Variants in RAI14 observed in about 807,000 individuals in gnomAD.
RAI14 encodes ankycorbin.
RAI14 carries 45 observed loss-of-function variants against 115.4 expected under a neutral mutation model. The ratio of observed to expected loss-of-function variants is 0.39; its 90% confidence interval spans 0.31 to 0.50. The LOEUF is 0.50. Ranked by LOEUF, RAI14 falls within the 20% of genes least tolerant of loss-of-function variation. The pLI is 0.85. For missense variants in RAI14, 939 were observed against 1,131.2 expected (o/e 0.83, Z 2.44); for synonymous variants, 371 against 415.4 (o/e 0.89, Z 1.30).
At chr5:34,792,264 C>G (rs1361502906) in intron 3 of RAI14, among the ~76,000 whole-genome samples, 3 of 128,088 alleles carry the variant, frequency 2.3e-5, no homozygotes, top group Non-Finnish European at 3.1e-5. Flanking sequence ...GACGGAGTCT[C>G]TCTCTGTCGC....
intron 2 of RAI14, among the ~76,000 whole-genome samples, chr5:34,747,173 T>C (rs1331434682): frequency 6.6e-6 from 1 of 152,256 alleles, no homozygotes; most frequent in Non-Finnish European, 1.5e-5. Context: ...CTTTCTCCTC[T>C]GGAGAGAACC....
intron 2 of RAI14, among the ~76,000 whole-genome samples, chr5:34,752,699 A>G (rs1335614301): frequency 1.9e-5 from 1 of 51,386 alleles, no homozygotes; most frequent in Non-Finnish European, 3.6e-5. Flanking sequence ...TATTTCTTAC[A>G]TATATGTGTG....
At chr5:34,695,821 T>TC (rs1739157833) in intron 2 of RAI14, among the ~76,000 whole-genome samples, 1 of 149,126 alleles carries the variant, frequency 6.7e-6, no homozygotes, top group Non-Finnish European at 1.5e-5. Context: ...TTTTTTTTTT[T>TC]CTGTGACAGT....
intron 4 of RAI14, among the ~76,000 whole-genome samples, 184 bp downstream of exon 4, chr5:34,796,211 A>G (rs1312771873): frequency 6.6e-6 from 1 of 152,178 alleles, no homozygotes; most frequent in East Asian, 1.9e-4. Context: ...ACTGGCCAAT[A>G]TGGTTAAAAC....
chr5:34,695,287 A>G (rs1416936898), intron 2 of RAI14, among the ~76,000 whole-genome samples: 2 of 152,342 alleles, frequency 1.3e-5, no homozygotes, highest in African/African-American at 4.8e-5. Context: ...TAGGTATATG[A>G]TAAGCTGTAA....
intron 10 of RAI14, among the ~76,000 whole-genome samples, chr5:34,813,135 T>C (rs771166832): frequency 3.3e-5 from 5 of 152,240 alleles, no homozygotes; most frequent in Non-Finnish European, 7.3e-5. Flanking sequence ...ATGTGCTAAC[T>C]GTATTACTTA....
chr5:34,811,671 T>A, intron 8 of RAI14, 96 bp from the exon 9 acceptor site: 1 of 1,156,524 alleles, frequency 8.6e-7, no homozygotes, highest in Non-Finnish European at 1.2e-6. Flanking sequence ...TTAACTGCAC[T>A]TAATCTTCTT....
At chr5:34,743,893 C>G (rs1745843776) in intron 2 of RAI14, among the ~76,000 whole-genome samples, 1 of 152,328 alleles carries the variant, frequency 6.6e-6, no homozygotes, top group East Asian at 1.9e-4. Flanking sequence ...ATTTCTTTAG[C>G]TATCTCTTTG....
rs114491115 is a variant in RAI14, at chr5:34,676,006, A to G, written c.-48-10866A>G. Among the ~76,000 whole-genome samples the G allele has an allele frequency of 6.6e-3, 1,001 of 152,310 alleles. 7 individuals are homozygous for G. The highest frequency in any genetic ancestry group is 0.011 in the Non-Finnish European group (735 of 68,020). On this transcript the variant is annotated intron_variant, in intron 1 of 17. Transcript: ENST00000265109. ...ATAAATATTCGGTCTTTGTGTGGACATATGTTTTCATTTCTCTCGTAGGTG... is the reference window on the plus strand; with the variant it reads ...ATAAATATTCGGTCTTTGTGTGGACGTATGTTTTCATTTCTCTCGTAGGTG...
chr5:34,815,226 C>T (rs897696565), intron 12 of RAI14, among the ~76,000 whole-genome samples: 2 of 151,938 alleles, frequency 1.3e-5, no homozygotes, highest in Non-Finnish European at 2.9e-5. Flanking sequence ...ACTAAAAGTA[C>T]AAAAATTAGC....
intron 3 of RAI14, among the ~76,000 whole-genome samples, chr5:34,770,625 C>A (rs2150130068): frequency 6.6e-6 from 1 of 152,292 alleles, no homozygotes; most frequent in Non-Finnish European, 1.5e-5. Context: ...TACTTTTCTG[C>A]AGGAATGGCT....
Position 34,735,950 on chromosome 5 carries a change from T to G in RAI14, c.37-21518T>G, listed in dbSNP as rs753808361. ...AGTGCAGAATACGTGATACAAGTGA[T>G]CATGACAAAATAGTGAACTTTTACT... On this transcript the variant is annotated intron_variant, in intron 2 of 17. Coordinates refer to ENST00000265109, the MANE Select transcript of RAI14 (RefSeq NM_015577.3). Among the ~76,000 whole-genome samples, 55 of 152,356 alleles carry G rather than the reference T, an allele frequency of 3.6e-4. 1 individual carries two copies. The highest frequency in any genetic ancestry group is 1.6e-3 in the Admixed American group (25 of 15,312).
intron 2 of RAI14, among the ~76,000 whole-genome samples, chr5:34,700,878 C>T (rs1400236071): frequency 6.6e-6 from 1 of 152,230 alleles, no homozygotes; most frequent in Admixed American, 6.5e-5. Context: ...CTTGTGTAGG[C>T]TAATTAACTA....
intron 4 of RAI14, among the ~76,000 whole-genome samples, chr5:34,796,688 A>T (rs761109236): frequency 2.6e-5 from 4 of 152,172 alleles, no homozygotes; most frequent in Admixed American, 6.5e-5. Flanking sequence ...TCATCAACTG[A>T]GATAGGCTCT....
chr5:34,667,831 G>A (rs1743331878), intron 1 of RAI14, among the ~76,000 whole-genome samples: 1 of 152,156 alleles, frequency 6.6e-6, no homozygotes, highest in Admixed American at 6.5e-5. Flanking sequence ...TGAGAACCGT[G>A]TAACAAATGT....
rs191635430 is a variant in RAI14 at position 34,768,052 on chromosome 5, T to C, written c.167+10454T>C. Reference sequence around the variant, plus strand: ...TCACCGACAGTTTGCACCGTTCACCTGGAAAAGCTGTAGACACTCAACACT... The same window carrying C: ...TCACCGACAGTTTGCACCGTTCACCCGGAAAAGCTGTAGACACTCAACACT... On this transcript the variant is annotated intron_variant, in intron 3 of 17. Coordinates refer to ENST00000265109, the MANE Select transcript of RAI14 (RefSeq NM_015577.3). 2.0e-4 allele frequency among the ~76,000 whole-genome samples: 31 copies of C among 152,162 alleles called. 1 individual carries two copies. The highest frequency in any genetic ancestry group is 1.9e-3 in the Admixed American group (29 of 15,284).
intron 2 of RAI14, among the ~76,000 whole-genome samples, chr5:34,736,246 C>T (rs1425682517): frequency 6.6e-6 from 1 of 152,120 alleles, no homozygotes; most frequent in Non-Finnish European, 1.5e-5. Flanking sequence ...ACTAAAACTA[C>T]AAAAATTAGC....
chr5:34,689,818 G>GC (rs1415955985), intron 2 of RAI14, among the ~76,000 whole-genome samples: 3 of 152,120 alleles, frequency 2.0e-5, no homozygotes, highest in Non-Finnish European at 4.4e-5. Context: ...GTTGTGGTGA[G>GC]CAAGAGATCA....
At chr5:34,774,492 A>G (rs1175013305) in intron 3 of RAI14, among the ~76,000 whole-genome samples, 1 of 152,212 alleles carries the variant, frequency 6.6e-6, no homozygotes, top group Non-Finnish European at 1.5e-5. Context: ...AAAAAAAGTG[A>G]ATCAAGTAAT....
Sources: gnomAD v4.1 joint callset for allele counts (sites outside exome capture counted in the v4.1 genomes callset) on GRCh38, gnomAD v4.1.1 for gene constraint, MANE v1.5 for transcripts, NCBI Gene and HGNC (gene_info 2026-07-23, HGNC 2026-07-21) for gene names.